Variants in TEK observed in about 807,000 individuals in gnomAD.
TEK encodes the protein TEK receptor tyrosine kinase, also known as angiopoietin-1 receptor.
TEK carries 43 observed loss-of-function variants against 131.8 expected under a neutral mutation model. The observed-to-expected ratio is 0.33, with a 90% CI of 0.26 to 0.42. TEK has a LOEUF of 0.42. TEK is among the 10% of genes least tolerant of loss of function. The probability of loss-of-function intolerance (pLI) is 1.00; values close to 1 mark genes in which losing one functional copy is unlikely to be tolerated. For missense variants in TEK, 1,162 were observed against 1,384.4 expected, an observed-to-expected ratio of 0.84 and a Z score of 2.55; for synonymous variants, 580 against 491.6, an observed-to-expected ratio of 1.18 and a Z score of -2.38.
At chr9:27,140,745 G>A (rs1443009528) in intron 1 of TEK, among the ~76,000 whole-genome samples, 1 of 151,912 alleles carries the variant, frequency 6.6e-6, no homozygotes, top group Admixed American at 6.6e-5. Flanking sequence ...AAACTATTAT[G>A]TTTTCCTTAC....
In TEK at chr9:27,206,528, C is replaced by G. The variant is rs1587013787; in HGVS notation, c.2365-54C>G. ...GATGCCAACCAGAAGACATTATGCCCCTTAGAATTATGAAAAATCCTGACA... is the reference window on the plus strand; with the variant it reads ...GATGCCAACCAGAAGACATTATGCCGCTTAGAATTATGAAAAATCCTGACA... On this transcript the variant is annotated intron_variant, in intron 14 of 22. Coordinates refer to ENST00000380036, the MANE Select transcript of TEK (RefSeq NM_000459.5). 1.9e-6 allele frequency: 3 copies of G among 1,560,928 alleles called. No homozygotes were observed. The East Asian group carries it at 7.0e-5, about 37-fold the overall frequency.
chr9:27,116,440 C>T (rs1821559802), intron 1 of TEK, among the ~76,000 whole-genome samples: 1 of 152,248 alleles, frequency 6.6e-6, no homozygotes, highest in South Asian at 2.1e-4. Flanking sequence ...AGGCACCTGC[C>T]ACCACACCCG....
intron 12 of TEK, among the ~76,000 whole-genome samples, chr9:27,201,482 T>G (rs1403443297): frequency 6.6e-6 from 1 of 152,148 alleles, no homozygotes; most frequent in Non-Finnish European, 1.5e-5. Flanking sequence ...AAGGCTATTG[T>G]ATATTTTTAT....
chr9:27,217,124 T>C (rs1825845104), intron 18 of TEK, among the ~76,000 whole-genome samples: 1 of 152,172 alleles, frequency 6.6e-6, no homozygotes, highest in Non-Finnish European at 1.5e-5. Flanking sequence ...TAAACTACAC[T>C]AGCTACAAAT....
In TEK at chr9:27,139,933, A is replaced by G. The variant is rs16911088; in HGVS notation, c.53-17898A>G. On this transcript the variant is annotated intron_variant, in intron 1 of 22. Transcript: ENST00000380036. Reference sequence around the variant, plus strand: ...TAAATAACTGCTGCATGGGCCGCCTATGTTCCCCCTGTCCTGCCACCTTGG... The same window carrying G: ...TAAATAACTGCTGCATGGGCCGCCTGTGTTCCCCCTGTCCTGCCACCTTGG... 5.6e-3 allele frequency among the ~76,000 whole-genome samples: 849 copies of G among 152,278 alleles called. 5 individuals carry two copies. Among genetic ancestry groups the G allele is most frequent in the African/African-American group, 0.015 (604 of 41,562 alleles).
intron 1 of TEK, among the ~76,000 whole-genome samples, chr9:27,135,537 C>A (rs998114693): frequency 1.3e-5 from 2 of 152,176 alleles, no homozygotes; most frequent in Non-Finnish European, 2.9e-5. Flanking sequence ...TTGCCACATA[C>A]TGTTAATACA....
chr9:27,229,055 A>G, intron 22 of TEK, 103 bp from the exon 23 acceptor site: 4 of 935,694 alleles, frequency 4.3e-6, no homozygotes, highest in South Asian at 1.3e-5. Flanking sequence ...TGCTTAGTAT[A>G]TGAGTTGCAA....
rs1347956698 is a variant in TEK, at chr9:27,187,066, C to T, written c.1327+1437C>T. Among the ~76,000 whole-genome samples, 30 of 152,144 alleles carry T rather than the reference C, an allele frequency of 2.0e-4. 1 individual carries two copies. The highest frequency in any genetic ancestry group is 2.0e-3 in the Admixed American group (30 of 15,270). On this transcript the variant is annotated intron_variant, in intron 9 of 22. Transcript: ENST00000380036. ...TGATATGCAGACAAGAAAAATTACCCTACTTTTAAGCTTCTGGGAATGTTT... is the reference window on the plus strand; with the variant it reads ...TGATATGCAGACAAGAAAAATTACCTTACTTTTAAGCTTCTGGGAATGTTT...
At chr9:27,153,579 GAATT>G (rs199512392) in intron 1 of TEK, among the ~76,000 whole-genome samples, 1,631 of 152,332 alleles carry the variant, frequency 0.011, 20 homozygotes, top group African/African-American at 0.037. Context: ...ATAGAAGTAT[GAATT>G]AAACTATTAA....
chr9:27,166,053 G>A (rs1823719461), intron 2 of TEK, among the ~76,000 whole-genome samples: 1 of 152,276 alleles, frequency 6.6e-6, no homozygotes, highest in African/African-American at 2.4e-5. Flanking sequence ...CCACGGATGA[G>A]ATGAGAATGA....
Position 27,173,274 on chromosome 9 carries a change from A to G in TEK, c.813A>G (p.Gln271=). 1 of 1,614,128 alleles carries G rather than the reference A, an allele frequency of 6.2e-7. No individual in the cohort carries two copies. The highest frequency in any genetic ancestry group is 8.5e-7 in the Non-Finnish European group (1 of 1,179,966). Residue 271 remains glutamine (Q), a synonymous_variant, in exon 6 of 23, where the codon CAA becomes CAG. Coordinates refer to ENST00000380036, the MANE Select transcript of TEK (RefSeq NM_000459.5). ...GRTCKERCSG[Q]EGCKSYVFCL... Reference sequence around the variant, plus strand: ...CTTGTAAAGAAAGGTGCAGTGGACAAGAGGGATGCAAGTCTTATGTGTTCT... The same window carrying G: ...CTTGTAAAGAAAGGTGCAGTGGACAGGAGGGATGCAAGTCTTATGTGTTCT...
At chr9:27,194,964 G>A (rs950904329) in intron 11 of TEK, among the ~76,000 whole-genome samples, 9 of 152,166 alleles carry the variant, frequency 5.9e-5, no homozygotes, top group Middle Eastern at 6.8e-3. Flanking sequence ...CCCAAAGGGC[G>A]GGAAAAGGGG....
chr9:27,213,673 G>C, intron 18 of TEK, 76 bp downstream of exon 18: 1 of 1,098,586 alleles, frequency 9.1e-7, no homozygotes, highest in South Asian at 1.3e-5. Context: ...TTCTGAGACT[G>C]TCAGTGCTCT....
intron 6 of TEK, among the ~76,000 whole-genome samples, chr9:27,178,614 A>G (rs1824254200): frequency 6.6e-6 from 1 of 152,220 alleles, no homozygotes; most frequent in Non-Finnish European, 1.5e-5. Context: ...ATCAAAACAA[A>G]TCATCATAGC....
At chr9:27,177,889 A>C (rs755858603) in intron 6 of TEK, among the ~76,000 whole-genome samples, 34 of 152,274 alleles carry the variant, frequency 2.2e-4, no homozygotes, top group Non-Finnish European at 3.8e-4. Flanking sequence ...ATACTTTGGA[A>C]ATACATTCTC....
At chr9:27,192,078 G>C (rs1056291458) in intron 10 of TEK, 2 of 399,212 alleles carry the variant, frequency 5.0e-6, no homozygotes, top group Non-Finnish European at 9.7e-6. Flanking sequence ...GTCATTTTGA[G>C]CAAACCTCCT....
chr9:27,136,196 C>T (rs11788664), intron 1 of TEK, among the ~76,000 whole-genome samples: 1 of 151,586 alleles, frequency 6.6e-6, no homozygotes, highest in East Asian at 1.9e-4. Flanking sequence ...ATTCTTCTGC[C>T]TCAGCCTCCC....
At chr9:27,208,411 A>T (rs1419000699) in intron 15 of TEK, among the ~76,000 whole-genome samples, 1 of 152,084 alleles carries the variant, frequency 6.6e-6, no homozygotes, top group Non-Finnish European at 1.5e-5. Context: ...TTTATGCACC[A>T]ACCAATAGCC....
chr9:27,197,641 G>GGGCT (rs767584731), intron 12 of TEK, 42 bp downstream of exon 12: 26 of 1,611,094 alleles, frequency 1.6e-5, no homozygotes, highest in Non-Finnish European at 2.2e-5. Context: ...GAGCAATAAG[G>GGGCT]GGCTACCGCC....
Sources: allele counts gnomAD v4.1 joint callset (sites outside exome capture counted in the v4.1 genomes callset), GRCh38; gene constraint gnomAD v4.1.1; transcripts MANE v1.5; gene names NCBI Gene and HGNC (gene_info 2026-07-23, HGNC 2026-07-21).